TAF1: variants seen among roughly 807,000 people sequenced by gnomAD.
The protein encoded by TAF1 is transcription initiation factor TFIID subunit 1.
TAF1 carries 2 observed loss-of-function variants against 138.5 expected under a neutral mutation model. That is an observed-to-expected ratio of 0.01 (90% CI 0.01 to 0.05). TAF1 has a LOEUF of 0.05. Ranked by LOEUF, TAF1 falls within the 10% of genes least tolerant of loss-of-function variation. The probability of loss-of-function intolerance (pLI) is 1.00; values close to 1 mark genes in which losing one functional copy is unlikely to be tolerated. For missense variants in TAF1, 709 were observed against 1,478.0 expected, an observed-to-expected ratio of 0.48 and a Z score of 8.53; for synonymous variants, 437 against 503.2, an observed-to-expected ratio of 0.87 and a Z score of 1.76.
chrX:71,470,511 G>C (rs1452254437), downstream of TAF1, among the ~76,000 whole-genome samples: 2 of 108,934 alleles, frequency 1.8e-5, no homozygotes, highest in African/African-American at 6.7e-5. Context: ...AAAGTGCTGG[G>C]ATTACAGGTG....
At chrX:71,435,480 G>T (rs936205550) in intron 32 of TAF1, among the ~76,000 whole-genome samples, 1 of 111,871 alleles carries the variant, frequency 8.9e-6, no homozygotes, top group African/African-American at 3.3e-5. Context: ...AACCTCCTCA[G>T]ACTCCAGTAT....
chrX:71,500,048 G>T (rs2039469511), intron 13 of TAF1, among the ~76,000 whole-genome samples: 1 of 110,659 alleles, frequency 9.0e-6, no homozygotes, highest in African/African-American at 3.3e-5. Flanking sequence ...TAGCCCGGGG[G>T]TTTTTGTGGT....
At chrX:71,524,005 C>G (rs1308952126) in intron 13 of TAF1, among the ~76,000 whole-genome samples, 3 of 102,933 alleles carry the variant, frequency 2.9e-5, no homozygotes, top group Admixed American at 1.1e-4. Flanking sequence ...AACAAGTTCA[C>G]AACTGTAATA....
At chrX:71,450,227 G>C (rs772103598) in intron 32 of TAF1, among the ~76,000 whole-genome samples, 2 of 103,919 alleles carry the variant, frequency 1.9e-5, no homozygotes, top group Non-Finnish European at 4.0e-5. Flanking sequence ...TTTTGAGACA[G>C]AGTCTTGCTC....
intron 13 of TAF1, among the ~76,000 whole-genome samples, chrX:71,513,093 G>A (rs1010353553): frequency 7.1e-5 from 8 of 112,169 alleles, no homozygotes; most frequent in African/African-American, 2.6e-4. Flanking sequence ...TCAGACTATT[G>A]CTATTTGGAG....
At chrX:71,424,797 G>T (rs765306329) in intron 32 of TAF1, among the ~76,000 whole-genome samples, 390 of 111,035 alleles carry the variant, frequency 3.5e-3, no homozygotes, top group African/African-American at 0.012. Context: ...GCTAATTTTT[G>T]TATTTTTAGT....
chrX:71,378,598 G>T, intron 7 of TAF1, 145 bp downstream of exon 7: 1 of 764,358 alleles, frequency 1.3e-6, no homozygotes, highest in South Asian at 2.7e-5. Context: ...ATTTGGTATG[G>T]TGTATCACCC....
In TAF1 at chrX:71,388,799, C is replaced by T; in HGVS notation, c.2631C>T (p.Ile877=). 1 of 1,211,742 alleles carries T rather than the reference C, an allele frequency of 8.3e-7. No individual in the cohort carries two copies. The highest frequency in any genetic ancestry group is 1.1e-6 in the Non-Finnish European group (1 of 895,485). The stretch of plus-strand genomic sequence containing the variant: ...TTCGTTTACCAACGGAAGAAGAGAT[C>T]AGAGCTATGGTGTCACCAGAGCAGT... ...SDFRLPTEEE[I]RAMVSPEQCC... Residue 877 remains isoleucine (I), a synonymous_variant, in exon 17 of 38, where the codon ATC becomes ATT. Coordinates refer to ENST00000423759, the MANE Select transcript of TAF1 (RefSeq NM_004606.5).
rs751942774 is a variant in TAF1 at position 71,377,666 on chromosome X, C to T, written c.778C>T (p.Arg260Trp). The T allele has an allele frequency of 9.9e-6, 12 of 1,209,176 alleles. No homozygotes were observed. The highest frequency in any genetic ancestry group is 3.5e-5 in the African/African-American group (2 of 56,907). ...TGTCCCATCTGTTTGGCGGAGTGCT[C>T]GGAGAAAGAGGAAGAAGAAGCACCG... ...KNVPSVWRSA[R>W]RKRKKKHREL... Residue 260 changes from arginine (R) to tryptophan (W), a missense_variant, in exon 6 of 38, where the codon CGG (arginine) becomes TGG (tryptophan). By Grantham distance (101) the Arg-to-Trp change is moderately radical. Transcript: ENST00000423759.
intron 13 of TAF1, among the ~76,000 whole-genome samples, chrX:71,384,388 T>G (rs1385427192): frequency 9.1e-6 from 1 of 110,161 alleles, no homozygotes; most frequent in Non-Finnish European, 1.9e-5. Context: ...ATCTCAAATC[T>G]CAAAATTCGA....
chrX:71,529,655 G>A, intron 14 of TAF1: 1 of 333,055 alleles, frequency 3.0e-6, no homozygotes, highest in Non-Finnish European at 5.9e-6. Flanking sequence ...TCCTTGAAGT[G>A]AAGATGCAAG....
chrX:71,524,724 C>G (rs1039222350), intron 13 of TAF1, among the ~76,000 whole-genome samples: 8 of 109,064 alleles, frequency 7.3e-5, no homozygotes, highest in Non-Finnish European at 1.3e-4. Context: ...GGGCGGATCA[C>G]GAGGTCAGGA....
intron 14 of TAF1, among the ~76,000 whole-genome samples, chrX:71,529,065 G>A (rs752314196): frequency 9.1e-6 from 1 of 109,302 alleles, no homozygotes; most frequent in East Asian, 2.9e-4. Context: ...GCTGATTGGT[G>A]CGTTTTGTTT....
intron 32 of TAF1, among the ~76,000 whole-genome samples, chrX:71,441,431 T>C (rs1483017731): frequency 2.7e-5 from 3 of 111,092 alleles, no homozygotes; most frequent in African/African-American, 9.8e-5. Context: ...AGTTTTTAAA[T>C]TTTTTAAATT....
rs1360132734 is a variant in TAF1 at position 71,465,394 on chromosome X, TTAG to T, written c.*1352_*1354del. 6 of 112,055 alleles carry T rather than the reference TTAG, an allele frequency of 5.4e-5. No homozygotes were observed. The highest frequency in any genetic ancestry group is 1.9e-4 in the African/African-American group (6 of 30,848). 9.2% of individuals were successfully genotyped at this position (112,055 alleles called of 1,213,427 possible). A position where few individuals can be genotyped will look rare whatever the true frequency, so the allele number is the denominator to read the frequency against. On this transcript the variant is annotated 3_prime_UTR_variant, in exon 38 of 38. Transcript: ENST00000423759. ...AATTTTTAAGCTGATTGTTTTAGAA[TTAG>T]TAGAAGCTTGCCAGATGGAAAAGTC...
In TAF1 at chrX:71,483,433, T is replaced by C. The variant is rs184538897; in HGVS notation, c.1366+22630T>C. 2.0e-3 allele frequency among the ~76,000 whole-genome samples: 213 copies of C among 107,951 alleles called. 1 individual carries two copies. In the East Asian group the frequency reaches 0.039, roughly 20 times the overall value. The allele number at this position is 107,951 out of a possible 115,157, so 93.7% of individuals were successfully genotyped here. Reference sequence around the variant, plus strand: ...CTATTTCCATAACATCTTTTTTTTTTTTTCCCTTTGAAAAAAATTAACTGG... The same window carrying C: ...CTATTTCCATAACATCTTTTTTTTTCTTTCCCTTTGAAAAAAATTAACTGG... On this transcript the variant is annotated intron_variant and NMD_transcript_variant, in intron 13 of 14. Coordinates refer to the TAF1 transcript ENST00000373775.
chrX:71,462,758 G>A lies in TAF1; in HGVS notation c.5400-1066G>A, dbSNP rs151219627. Among the ~76,000 whole-genome samples the A allele has an allele frequency of 6.3e-5, 7 of 111,031 alleles. No individual in the cohort carries two copies. In the East Asian group the frequency reaches 2.0e-3, roughly 31 times the overall value. ...GGTGGTAATGTCGATTGATAGAAAT[G>A]GGGTGGTTTGGAGAGAGGCTTATTT... On this transcript the variant is annotated intron_variant, in intron 37 of 37. Transcript: ENST00000423759.
At position 71,367,583 on chromosome X, in the gene TAF1, G is replaced by A. The variant is rs1264841509; in HGVS notation, c.205G>A (p.Gly69Arg). 5 of 1,209,786 alleles carry A rather than the reference G, an allele frequency of 4.1e-6. No homozygotes were observed. The African/African-American group carries it at 7.0e-5, about 17-fold the overall frequency. Reference protein sequence around the residue: ...TELTANEELTGTDGALVNDEG... With the variant: ...TELTANEELTRTDGALVNDEG... The stretch of plus-strand genomic sequence containing the variant: ...ACTCACGGCAAATGAAGAATTGACC[G>A]GGACTGACGGTGCCTTGGTAAATGA... The change falls in exon 2 of 38, where the codon GGG becomes AGG. Residue 69 changes from glycine (G) to arginine (R), a missense_variant. Gly to Arg is a moderately radical substitution (Grantham distance 125). This residue lies in a region of TAF1 where 123 missense variants were observed against 161.6 expected (regional missense o/e 0.76). Coordinates refer to ENST00000423759, the MANE Select transcript of TAF1 (RefSeq NM_004606.5).
chrX:71,528,819 C>T (rs924457481), intron 14 of TAF1: 49 of 255,699 alleles, frequency 1.9e-4, no homozygotes, highest in Middle Eastern at 1.4e-3. Flanking sequence ...GCTTCCATAG[C>T]GTGAAAGGGT....
Sources: gnomAD v4.1 joint callset for allele counts (sites outside exome capture counted in the v4.1 genomes callset) on GRCh38, gnomAD v4.1.1 for gene constraint, gnomAD v4.1.1 regional missense constraint, MANE v1.5 for transcripts, NCBI Gene and HGNC (gene_info 2026-07-23, HGNC 2026-07-21) for gene names.